The following DGKB variants were observed in gnomAD, a reference collection of about 807,000 sequenced individuals.
The protein encoded by DGKB is 90 kDa diacylglycerol kinase.
DGKB carries 67 observed loss-of-function variants against 114.3 expected under a neutral mutation model. The ratio of observed to expected loss-of-function variants is 0.59; its 90% CI spans 0.48 to 0.72. DGKB has a LOEUF of 0.72. DGKB is among the 30% of genes least tolerant of loss of function. The probability of loss-of-function intolerance (pLI) is 0.00; values close to 1 mark genes in which losing one functional copy is unlikely to be tolerated. For missense variants in DGKB, 907 were observed against 975.2 expected (o/e 0.93, Z 0.93); for synonymous variants, 398 against 323.1 (o/e 1.23, Z -2.49).
rs751411936 is a variant in DGKB at position 14,564,873 on chromosome 7, TA to T, written c.1770+9338del. Among the ~76,000 whole-genome samples, 2 of 152,308 alleles carry T rather than the reference TA, an allele frequency of 1.3e-5. 1 individual carries two copies. The highest frequency in any genetic ancestry group is 4.1e-4 in the South Asian group (2 of 4,832). On this transcript the variant is annotated intron_variant, in intron 20 of 25. Coordinates refer to ENST00000402815, the MANE Select transcript of DGKB (RefSeq NM_001350709.2). ...TCTTCTTCTAGTAGACTCTAGGTAT[TA>T]GTAAACCTCAAGGCTTTATCCTAAA...
intron 20 of DGKB, among the ~76,000 whole-genome samples, chr7:14,546,646 C>T (rs187834851): frequency 6.6e-6 from 1 of 152,216 alleles, no homozygotes; most frequent in East Asian, 1.9e-4. Context: ...AGGTCGGGAG[C>T]ATCTGAGGCA....
intron 4 of DGKB, among the ~76,000 whole-genome samples, chr7:14,745,888 C>G (rs1052383245): frequency 6.6e-6 from 1 of 152,220 alleles, no homozygotes; most frequent in African/African-American, 2.4e-5. Flanking sequence ...ACTGGCATTT[C>G]TCCTAATAAG....
At chr7:14,309,351 A>G (rs1804995040) in intron 23 of DGKB, among the ~76,000 whole-genome samples, 1 of 152,244 alleles carries the variant, frequency 6.6e-6, no homozygotes, top group African/African-American at 2.4e-5. Context: ...AAAAGCAAAC[A>G]CCACACTGAT....
intron 6 of DGKB, among the ~76,000 whole-genome samples, chr7:14,707,443 G>A (rs1163119081): frequency 7.2e-6 from 1 of 138,118 alleles, no homozygotes; most frequent in African/African-American, 2.7e-5. Flanking sequence ...TAGAAAAAGA[G>A]GGAATCCTCC....
intron 21 of DGKB, among the ~76,000 whole-genome samples, chr7:14,464,249 T>TA (rs754177878): frequency 1.3e-5 from 2 of 152,164 alleles, no homozygotes; most frequent in Non-Finnish European, 2.9e-5. Context: ...TGAACATAAA[T>TA]GAATTTTATA....
At chr7:14,314,690 C>T (rs1301135376) in intron 23 of DGKB, among the ~76,000 whole-genome samples, 1 of 151,958 alleles carries the variant, frequency 6.6e-6, no homozygotes, top group East Asian at 1.9e-4. Flanking sequence ...AGAATGGAAC[C>T]AAGTTGGAAA....
intron 1 of DGKB, among the ~76,000 whole-genome samples, chr7:14,959,233 A>C (rs1335308599): frequency 6.6e-6 from 1 of 152,036 alleles, no homozygotes; most frequent in Non-Finnish European, 1.5e-5. Flanking sequence ...TTTATTGATA[A>C]GTTTATTTCT....
At chr7:14,827,567 T>A (rs933064779) in intron 2 of DGKB, among the ~76,000 whole-genome samples, 3 of 152,134 alleles carry the variant, frequency 2.0e-5, no homozygotes, top group Admixed American at 1.3e-4. Flanking sequence ...ACCCATATTA[T>A]GTATGTTTAT....
chr7:14,659,974 G>A (rs1816693540), intron 13 of DGKB, among the ~76,000 whole-genome samples: 1 of 151,396 alleles, frequency 6.6e-6, no homozygotes, highest in African/African-American at 2.4e-5. Context: ...GGCCTTTTCT[G>A]CATCTATTGA....
At chr7:14,324,478 T>G (rs1341327805) in intron 23 of DGKB, among the ~76,000 whole-genome samples, 3 of 150,932 alleles carry the variant, frequency 2.0e-5, no homozygotes, top group Non-Finnish European at 4.4e-5. Context: ...AATGTCAGAT[T>G]TAAGACCCGA....
intron 1 of DGKB, among the ~76,000 whole-genome samples, chr7:14,914,307 C>G (rs1169716405): frequency 6.6e-6 from 1 of 152,110 alleles, no homozygotes. Flanking sequence ...ACTAAGAAAA[C>G]TGAGATTTAA....
chr7:14,898,028 A>G (rs925245454), intron 1 of DGKB, among the ~76,000 whole-genome samples: 4 of 152,052 alleles, frequency 2.6e-5, no homozygotes, highest in Admixed American at 2.6e-4. Flanking sequence ...GATTATTTCA[A>G]TTCTCTGTGG....
At chr7:14,676,592 T>A (rs79668326) in intron 12 of DGKB, among the ~76,000 whole-genome samples, 2,449 of 152,112 alleles carry the variant, frequency 0.016, 27 homozygotes, top group Non-Finnish European at 0.024. Context: ...AAAAATTAAA[T>A]AAGTGAATAT....
chr7:14,766,385 A>G lies in DGKB; in HGVS notation c.71-8654T>C, dbSNP rs543424581. On this transcript the variant is annotated intron_variant, in intron 2 of 25. Coordinates refer to ENST00000402815, the MANE Select transcript of DGKB (RefSeq NM_001350709.2). ...TGAATTATTTTGAAAGTAGAGCCAA[A>G]AGAATTTCCTTATTGATTGGATATG... Among the ~76,000 whole-genome samples, 6 of 151,988 alleles carry G rather than the reference A, an allele frequency of 3.9e-5. No individual in the cohort carries two copies. In the South Asian group the frequency reaches 1.2e-3, roughly 32 times the overall value.
At chr7:14,869,023 A>T (rs1476379500) in intron 1 of DGKB, among the ~76,000 whole-genome samples, 3 of 152,154 alleles carry the variant, frequency 2.0e-5, no homozygotes, top group African/African-American at 7.2e-5. Context: ...ATTTTTTCAA[A>T]TTCTAAGGAC....
At chr7:14,309,209 C>G (rs1392924344) in intron 23 of DGKB, among the ~76,000 whole-genome samples, 1 of 151,980 alleles carries the variant, frequency 6.6e-6, no homozygotes, top group East Asian at 1.9e-4. Flanking sequence ...GAGTGAGACC[C>G]TGTCTCAAAA....
intron 2 of DGKB, among the ~76,000 whole-genome samples, chr7:14,787,725 T>C (rs1840097713): frequency 6.6e-6 from 1 of 152,198 alleles, no homozygotes; most frequent in Non-Finnish European, 1.5e-5. Context: ...TTGAGAGGCC[T>C]CCCTCCTCCA....
At chr7:14,639,496 T>G (rs1255647957) in intron 13 of DGKB, among the ~76,000 whole-genome samples, 3 of 152,208 alleles carry the variant, frequency 2.0e-5, no homozygotes, top group African/African-American at 4.8e-5. Flanking sequence ...TGTTAACTTC[T>G]GAAAGCTTGC....
intron 1 of DGKB, among the ~76,000 whole-genome samples, chr7:14,857,934 C>G (rs1453241908): frequency 2.0e-5 from 3 of 151,970 alleles, no homozygotes; most frequent in African/African-American, 7.2e-5. Flanking sequence ...AAATATGTGT[C>G]CAATGTGAAT....
Sources: allele counts gnomAD v4.1 joint callset (sites outside exome capture counted in the v4.1 genomes callset), GRCh38; gene constraint gnomAD v4.1.1; transcripts MANE v1.5; gene names NCBI Gene and HGNC (gene_info 2026-07-23, HGNC 2026-07-21).